Variants in SLC25A28 observed in about 807,000 individuals in gnomAD.
SLC25A28 encodes solute carrier family 25 member 28, also known as mitoferrin-2.
In SLC25A28, 10 loss-of-function variants were observed where a neutral mutation model predicts 31.9. That is an observed-to-expected ratio of 0.31 (90% confidence interval 0.19 to 0.53). The LOEUF (loss-of-function observed/expected upper bound fraction) is 0.53, where lower values mean the gene tolerates loss of function less well. Ranked by LOEUF, SLC25A28 falls within the 20% of genes least tolerant of loss-of-function variation. The pLI is 0.95. For synonymous variants in SLC25A28, 208 were observed against 203.6 expected, an observed-to-expected ratio of 1.02 and a Z score of -0.19; for missense variants, 256 against 490.3, an observed-to-expected ratio of 0.52 and a Z score of 4.51.
chr10:99,617,619 T>A lies in SLC25A28; in HGVS notation c.291+2426A>T, dbSNP rs1445500435. 23 of 985,298 alleles carry A rather than the reference T, an allele frequency of 2.3e-5. No homozygotes were observed. The East Asian group carries it at 2.3e-3, about 97-fold the overall frequency. The allele number at this position is 985,298 out of a possible 1,614,324, so 61.0% of individuals were successfully genotyped here. A position where few individuals can be genotyped will look rare whatever the true frequency, so the allele number is the denominator to read the frequency against. On this transcript the variant is annotated intron_variant, in intron 1 of 3. Transcript: ENST00000370495. ...TTACTTTCATGCCTGCACAAAAGTG[T>A]TTAACATACTCACTGACACTAAATC...
rs764592018 is a variant in SLC25A28 at position 99,611,418 on chromosome 10, T to G, written c.578-52A>C. On this transcript the variant is annotated intron_variant, in intron 3 of 3. Transcript: ENST00000370495. The surrounding 1 kb of genome is among the most constrained non-coding windows in gnomAD (Gnocchi z 5.5). ...AATGGTGACAGCAGCCAACCGGTGA[T>G]GGAGAGTATCCAGATTCAGAGCCCC... 4.4e-6 allele frequency: 7 copies of G among 1,595,148 alleles called. No homozygotes were observed. The African/African-American group carries it at 9.4e-5, about 21-fold the overall frequency.
the SLC25A28 span, among the ~76,000 whole-genome samples, chr10:99,632,460 A>C: frequency 0.84 from 127,643 of 151,934 alleles, 53,861 homozygotes; most frequent in Middle Eastern, 0.92. Flanking sequence ...TTGTTTAAGG[A>C]TTAAATTACA....
At chr10:99,639,981 A>G in the SLC25A28 span, among the ~76,000 whole-genome samples, 2 of 152,176 alleles carry the variant, frequency 1.3e-5, no homozygotes, top group Admixed American at 1.3e-4. Context: ...AAAAAAACAA[A>G]AAAGCTAGGA....
intron 1 of SLC25A28, among the ~76,000 whole-genome samples, 154 bp from the exon 2 acceptor site, chr10:99,614,078 C>G (rs2133343503): frequency 6.6e-6 from 1 of 152,344 alleles, no homozygotes; most frequent in African/African-American, 2.4e-5. Flanking sequence ...GATCTTTCTT[C>G]TAAGCCTTGG....
the SLC25A28 span, among the ~76,000 whole-genome samples, chr10:99,637,698 C>A: frequency 6.6e-6 from 1 of 151,130 alleles, no homozygotes; most frequent in Non-Finnish European, 1.5e-5. Flanking sequence ...GCTGCAAAAA[C>A]AAAAACAAAC....
At chr10:99,631,891 AT>A in the SLC25A28 span, among the ~76,000 whole-genome samples, 382 of 122,284 alleles carry the variant, frequency 3.1e-3, 5 homozygotes, top group African/African-American at 0.01. Flanking sequence ...TTTTTTTTTT[AT>A]TTTTTTTTTT....
intron 1 of SLC25A28, among the ~76,000 whole-genome samples, chr10:99,615,214 G>A (rs927672401): frequency 1.3e-5 from 2 of 151,950 alleles, no homozygotes; most frequent in Non-Finnish European, 2.9e-5. Context: ...AAAATTAGCC[G>A]GGCATGGTGG....
At chr10:99,623,255 G>C (rs560577505), upstream of SLC25A28, among the ~76,000 whole-genome samples, 22 of 152,306 alleles carry the variant, frequency 1.4e-4, no homozygotes, top group African/African-American at 4.8e-4. Context: ...TGGTGAGTGA[G>C]TGGGGAGGGA....
the SLC25A28 span, among the ~76,000 whole-genome samples, chr10:99,628,520 C>T: frequency 6.6e-6 from 1 of 152,196 alleles, no homozygotes; most frequent in Non-Finnish European, 1.5e-5. Context: ...ATGCAGATGG[C>T]TATAAGAAAA....
At chr10:99,657,915 G>A in the SLC25A28 span, among the ~76,000 whole-genome samples, 1 of 152,260 alleles carries the variant, frequency 6.6e-6, no homozygotes, top group Non-Finnish European at 1.5e-5. Flanking sequence ...GCCAGGTGCA[G>A]CTGCTCATCC....
At position 99,619,900 on chromosome 10, in the gene SLC25A28, A is replaced by G; in HGVS notation, c.291+145T>C. ...CCCAGCTGGGACCTTGCTTGAATGGAGTGTCGGTTCGAATCATGTGGTAGT... is the reference window on the plus strand; with the variant it reads ...CCCAGCTGGGACCTTGCTTGAATGGGGTGTCGGTTCGAATCATGTGGTAGT... On this transcript the variant is annotated intron_variant, in intron 1 of 3. Transcript: ENST00000370495. 4 of 754,380 alleles carry G rather than the reference A, an allele frequency of 5.3e-6. No homozygotes were observed. In the South Asian group the frequency reaches 7.2e-5, roughly 14 times the overall value. The allele number at this position is 754,380 out of a possible 1,614,324, so 46.7% of individuals were successfully genotyped here.
At chr10:99,620,500 C>A (rs904015903), upstream of SLC25A28, 2 of 1,043,356 alleles carry the variant, frequency 1.9e-6, no homozygotes, top group Non-Finnish European at 2.3e-6. Context: ...TTGGTGGAGA[C>A]GCCAAGTTAG....
the SLC25A28 span, among the ~76,000 whole-genome samples, chr10:99,647,871 T>A: frequency 6.6e-6 from 1 of 152,236 alleles, no homozygotes. Context: ...CTTTTGCATA[T>A]GGCCATCCAA....
chr10:99,635,784 C>T, the SLC25A28 span, among the ~76,000 whole-genome samples: 1 of 152,090 alleles, frequency 6.6e-6, no homozygotes, highest in Non-Finnish European at 1.5e-5. Context: ...AAAGGCATTT[C>T]ATGCGAATGA....
chr10:99,651,975 C>T, the SLC25A28 span: 1 of 152,230 alleles, frequency 6.6e-6, no homozygotes, highest in African/African-American at 2.4e-5. Flanking sequence ...TAAGAAATTT[C>T]AAGGCTACCA....
At chr10:99,618,191 A>G (rs2034701685) in intron 1 of SLC25A28, 1 of 859,170 alleles carries the variant, frequency 1.2e-6, no homozygotes, top group Non-Finnish European at 1.4e-6. Context: ...AGCATTTTTA[A>G]CAGGGATTTA....
At chr10:99,641,394 C>A in the SLC25A28 span, among the ~76,000 whole-genome samples, 1 of 152,036 alleles carries the variant, frequency 6.6e-6, no homozygotes, top group Admixed American at 6.6e-5. Context: ...ATATCCTTCG[C>A]CCACTTTTTG....
At chr10:99,623,758 T>C (rs778953945), upstream of SLC25A28, among the ~76,000 whole-genome samples, 13 of 152,310 alleles carry the variant, frequency 8.5e-5, no homozygotes, top group South Asian at 4.1e-4. Flanking sequence ...GACTAGTGAT[T>C]GTTCAAATGG....
At chr10:99,627,387 A>G in the SLC25A28 span, among the ~76,000 whole-genome samples, 1 of 151,930 alleles carries the variant, frequency 6.6e-6, no homozygotes, top group Non-Finnish European at 1.5e-5. Flanking sequence ...TTATCCTTTG[A>G]GCTATAAACA....
Sources: gnomAD v4.1 joint callset for allele counts (sites outside exome capture counted in the v4.1 genomes callset) on GRCh38, gnomAD v4.1.1 for gene constraint, Gnocchi (gnomAD v3.1) non-coding constraint, MANE v1.5 for transcripts, NCBI Gene and HGNC (gene_info 2026-07-23, HGNC 2026-07-21) for gene names.